The following ERG variants were observed in gnomAD, a reference collection of about 807,000 sequenced individuals.
ERG encodes the protein transcriptional regulator ERG.
ERG carries 9 observed loss-of-function variants against 55.3 expected under a neutral mutation model. That is an observed-to-expected ratio of 0.16 (90% CI 0.10 to 0.28). The LOEUF (loss-of-function observed/expected upper bound fraction) is 0.28. Among genes scored for constraint, ERG ranks in the 10% least tolerant of loss-of-function variants. The probability of loss-of-function intolerance (pLI) is 1.00; values close to 1 mark genes in which losing one functional copy is unlikely to be tolerated. For synonymous variants in ERG, 223 were observed against 237.3 expected (o/e 0.94, Z 0.55); for missense variants, 434 against 631.6 (o/e 0.69, Z 3.35).
At chr21:38,446,812 A>G (rs2058896561) in intron 1 of ERG, among the ~76,000 whole-genome samples, 1 of 152,142 alleles carries the variant, frequency 6.6e-6, no homozygotes, top group East Asian at 1.9e-4. Flanking sequence ...AAAGGTCTAG[A>G]GCTAATCTTG....
intron 2 of ERG, among the ~76,000 whole-genome samples, chr21:38,429,182 C>T (rs1989986281): frequency 6.6e-6 from 1 of 152,058 alleles, no homozygotes; most frequent in Admixed American, 6.5e-5. Context: ...TAATGGTCTC[C>T]AACTCCATCC....
In ERG at chr21:38,381,416, T is replaced by C. The variant is rs1419226986; in HGVS notation, c.*1987A>G. The C allele has an allele frequency of 9.4e-7, 1 of 1,063,100 alleles. No homozygotes were observed. Among genetic ancestry groups the C allele is most frequent in the Admixed American group, 5.4e-5 (1 of 18,658 alleles). 65.9% of individuals were successfully genotyped at this position (1,063,100 alleles called of 1,614,324 possible). A position where few individuals can be genotyped will look rare whatever the true frequency, so the allele number is the denominator to read the frequency against. The stretch of plus-strand genomic sequence containing the variant: ...CTAGATTATGGAAATAAACATTGTC[T>C]TCAAGGGATAGCCAGCAACATCAGG... On this transcript the variant is annotated 3_prime_UTR_variant, in exon 10 of 10. Transcript: ENST00000288319.
chr21:38,383,783 G>T lies in ERG; in HGVS notation c.1060C>A (p.Arg354=), dbSNP rs547051424. The T allele has an allele frequency of 1.2e-6, 2 of 1,614,120 alleles. No individual in the cohort carries two copies. The highest frequency in any genetic ancestry group is 4.5e-5 in the East Asian group (2 of 44,870). Reference sequence around the variant, plus strand: ...TAGTTCATGTTGGGTTTGCTCTTCCGCTCTCCCCAGCGCCGGGCCACCTCG... The same window carrying T: ...TAGTTCATGTTGGGTTTGCTCTTCCTCTCTCCCCAGCGCCGGGCCACCTCG... The part of the protein sequence containing the change: ...PDEVARRWGE[R]KSKPNMNYDK... The change falls in exon 10 of 10, where the codon CGG becomes AGG. Residue 354 remains arginine (R), a synonymous_variant. Transcript: ENST00000288319. The surrounding 1 kb of genome is among the most constrained non-coding windows in gnomAD (Gnocchi z 5.7).
At chr21:38,577,135 G>A (rs757770025) in intron 1 of ERG, among the ~76,000 whole-genome samples, 1 of 152,022 alleles carries the variant, frequency 6.6e-6, no homozygotes, top group Non-Finnish European at 1.5e-5. Context: ...AGACATTTTC[G>A]AAGGCTGTCT....
At chr21:38,622,139 C>G (rs969937986) in intron 1 of ERG, among the ~76,000 whole-genome samples, 1 of 152,228 alleles carries the variant, frequency 6.6e-6, no homozygotes, top group Non-Finnish European at 1.5e-5. Flanking sequence ...GTGCAGTGCA[C>G]AACCACACAG....
chr21:38,396,542 T>C (rs1166689593), intron 6 of ERG, among the ~76,000 whole-genome samples: 1 of 152,246 alleles, frequency 6.6e-6, no homozygotes, highest in Non-Finnish European at 1.5e-5. Context: ...AAAGGCTGCA[T>C]TTGCAGGCTT....
At chr21:38,597,518 G>A (rs2060139256) in intron 1 of ERG, among the ~76,000 whole-genome samples, 1 of 136,174 alleles carries the variant, frequency 7.3e-6, no homozygotes, top group African/African-American at 2.7e-5. Flanking sequence ...GAGAAAGAGA[G>A]AGAGGGAGAA....
chr21:38,560,335 G>A (rs2059885323), intron 2 of ERG, among the ~76,000 whole-genome samples: 1 of 152,078 alleles, frequency 6.6e-6, no homozygotes. Flanking sequence ...AATCTAGCAT[G>A]CATCTGAACA....
rs1436389580 is a variant in ERG at position 38,459,678 on chromosome 21, C to T, written c.19-14057G>A. ...TTTAGAAGTTTGCCTCAGAGAAAGG[C>T]CATTTCTAGTCTCCACTAGAAATCA... On this transcript the variant is annotated intron_variant, in intron 1 of 9. Transcript: ENST00000288319. Among the ~76,000 whole-genome samples the T allele has an allele frequency of 2.0e-5, 3 of 152,138 alleles. No individual in the cohort carries two copies. In the South Asian group the frequency reaches 6.2e-4, roughly 31 times the overall value.
chr21:38,608,787 C>A (rs2060209988), intron 1 of ERG, among the ~76,000 whole-genome samples: 2 of 152,174 alleles, frequency 1.3e-5, no homozygotes, highest in South Asian at 4.1e-4. Context: ...AACAATGGAA[C>A]AGACCTCACC....
At chr21:38,447,254 T>C (rs1202762641) in intron 1 of ERG, among the ~76,000 whole-genome samples, 2 of 151,600 alleles carry the variant, frequency 1.3e-5, no homozygotes, top group African/African-American at 4.9e-5. Flanking sequence ...CCTCTGTCTC[T>C]CAAAGTGGTG....
chr21:38,589,737 GGGGAAAGGA>G (rs2060088410), upstream of ERG, among the ~76,000 whole-genome samples: 4 of 152,166 alleles, frequency 2.6e-5, no homozygotes, highest in South Asian at 8.3e-4. Context: ...TGGATATCTG[GGGGAAAGGA>G]GGGAAGTCCT....
In ERG at chr21:38,498,018, G is replaced by C. The variant is rs563693086; in HGVS notation, c.18+345C>G. On this transcript the variant is annotated intron_variant, in intron 1 of 9. Transcript: ENST00000288319. The surrounding 1 kb of genome is among the most constrained non-coding windows in gnomAD (Gnocchi z 4.6). The stretch of plus-strand genomic sequence containing the variant: ...TTTGACCCGACCCTTCAACCTCTCC[G>C]AGTCTGCTGCCTTTTCTCAGACACA... Among the ~76,000 whole-genome samples the C allele has an allele frequency of 1.3e-5, 2 of 152,126 alleles. No homozygotes were observed. Among genetic ancestry groups the C allele is most frequent in the Non-Finnish European group, 2.9e-5 (2 of 68,036 alleles).
At chr21:38,441,348 T>A (rs965200174) in intron 2 of ERG, among the ~76,000 whole-genome samples, 30 of 152,222 alleles carry the variant, frequency 2.0e-4, no homozygotes, top group African/African-American at 5.1e-4. Context: ...TGATGTCAGA[T>A]AATGTGAGTG....
chr21:38,517,710 T>C (rs893648027), intron 2 of ERG, among the ~76,000 whole-genome samples: 2 of 152,150 alleles, frequency 1.3e-5, no homozygotes, highest in Non-Finnish European at 2.9e-5. Context: ...TCAACCTAAA[T>C]GTCCATCCAC....
downstream of ERG, among the ~76,000 whole-genome samples, chr21:38,377,731 C>G (rs1361419122): frequency 6.6e-6 from 1 of 152,114 alleles, no homozygotes; most frequent in East Asian, 1.9e-4. Flanking sequence ...GGAGATCAGC[C>G]CTGGCTCCTG....
chr21:38,404,265 T>C (rs186915153), intron 3 of ERG, among the ~76,000 whole-genome samples: 3 of 152,288 alleles, frequency 2.0e-5, no homozygotes, highest in African/African-American at 7.2e-5. Flanking sequence ...GCCCCTCCTA[T>C]GAGCCAGCGT....
In ERG at chr21:38,383,673, G is replaced by A. The variant is rs746877345; in HGVS notation, c.1170C>T (p.Phe390=). 13 of 1,614,082 alleles carry A rather than the reference G, an allele frequency of 8.1e-6. No individual in the cohort carries two copies. Among genetic ancestry groups the A allele is most frequent in the Middle Eastern group, 3.3e-4 (2 of 6,084 alleles). ...KVHGKRYAYK[F]DFHGIAQALQ... The stretch of plus-strand genomic sequence containing the variant: ...GGGCCTGGGCGATCCCGTGGAAGTC[G>A]AACTTGTAGGCGTAGCGCTTCCCAT... Residue 390 remains phenylalanine (F), a synonymous_variant, in exon 10 of 10, where the codon TTC becomes TTT. Coordinates refer to ENST00000288319, the MANE Select transcript of ERG (RefSeq NM_182918.4). The surrounding 1 kb of genome is among the most constrained non-coding windows in gnomAD (Gnocchi z 5.7).
At chr21:38,417,996 C>A (rs1227015995) in intron 3 of ERG, among the ~76,000 whole-genome samples, 1 of 152,012 alleles carries the variant, frequency 6.6e-6, no homozygotes, top group Non-Finnish European at 1.5e-5. Context: ...TAAAGAGTAA[C>A]AGTAACTACT....
Sources: gnomAD v4.1 joint callset for allele counts (sites outside exome capture counted in the v4.1 genomes callset) on GRCh38, gnomAD v4.1.1 for gene constraint, Gnocchi (gnomAD v3.1) non-coding constraint, MANE v1.5 for transcripts, NCBI Gene and HGNC (gene_info 2026-07-23, HGNC 2026-07-21) for gene names.